CRTC3: variants seen among roughly 807,000 people sequenced by gnomAD.
CRTC3 encodes the protein CREB-regulated transcription coactivator 3.
CRTC3 carries 26 observed loss-of-function variants against 74.5 expected under a neutral mutation model. That is an observed-to-expected ratio of 0.35 (90% confidence interval 0.26 to 0.48). The LOEUF is 0.48. Ranked by LOEUF, CRTC3 falls within the 20% of genes least tolerant of loss-of-function variation. The pLI, the probability that CRTC3 is intolerant of heterozygous loss-of-function variation, is 0.99. For synonymous variants in CRTC3, 377 were observed against 325.8 expected, an observed-to-expected ratio of 1.16 and a Z score of -1.69; for missense variants, 760 against 787.3, an observed-to-expected ratio of 0.97 and a Z score of 0.41.
chr15:90,592,886 C>T (rs529889131), intron 2 of CRTC3, among the ~76,000 whole-genome samples: 1 of 152,266 alleles, frequency 6.6e-6, no homozygotes, highest in South Asian at 2.1e-4. Flanking sequence ...TGCGGTGGCT[C>T]ACATGCCTGT....
intron 2 of CRTC3, among the ~76,000 whole-genome samples, chr15:90,546,685 C>T (rs1246377243): frequency 2.6e-5 from 4 of 152,008 alleles, no homozygotes; most frequent in South Asian, 2.1e-4. Flanking sequence ...TGCAGTGGCA[C>T]GATCTCCACT....
Position 90,629,407 on chromosome 15 carries a change from G to T in CRTC3, c.1141G>T (p.Gly381Cys). 1 of 1,613,792 alleles carries T rather than the reference G, an allele frequency of 6.2e-7. No homozygotes were observed. Among genetic ancestry groups the T allele is most frequent in the Non-Finnish European group, 8.5e-7 (1 of 1,179,952 alleles). ...ATCTCTTTCCACCACAAACCTGAGC[G>T]GCCCGTCTCGGCGTCGGCAGCCTCC... ...NPSLSTTNLS[G>C]PSRRRQPPVS... Residue 381 changes from glycine (G) to cysteine (C), a missense_variant, in exon 11 of 15, where the codon GGC becomes TGC. Physicochemically the swap from Gly to Cys is radical, Grantham distance 159. This residue lies in a region of CRTC3 where 652 missense variants were observed against 635.2 expected (regional missense o/e 1.03). Coordinates refer to ENST00000268184, the MANE Select transcript of CRTC3 (RefSeq NM_022769.5).
In CRTC3 at chr15:90,644,574, G is replaced by A. The variant is rs900578696; in HGVS notation, c.*2434G>A. 4 of 232,718 alleles carry A rather than the reference G, an allele frequency of 1.7e-5. No homozygotes were observed. The highest frequency in any genetic ancestry group is 3.4e-5 in the Non-Finnish European group (4 of 117,928). 14.4% of individuals were successfully genotyped at this position (232,718 alleles called of 1,614,324 possible). ...ACCTCCGGGGAAGTGATTTATTGGG[G>A]GTGTACACTGGGGGCAATATGGTTT... On this transcript the variant is annotated 3_prime_UTR_variant, in exon 15 of 15. Transcript: ENST00000268184.
chr15:90,601,713 G>C lies in CRTC3; in HGVS notation c.352-611G>C, dbSNP rs1164469449. Among the ~76,000 whole-genome samples the C allele has an allele frequency of 3.3e-5, 5 of 152,046 alleles. No homozygotes were observed. The East Asian group carries it at 9.6e-4, about 29-fold the overall frequency. ...TAACTTAAAAAAAGAAAATGTATTG[G>C]CATATGTCACTGGAAGCCCAAGGGC... is the stretch of plus-strand genomic sequence containing the variant. On this transcript the variant is annotated intron_variant, in intron 3 of 14. Coordinates refer to ENST00000268184, the MANE Select transcript of CRTC3 (RefSeq NM_022769.5).
At position 90,641,291 on chromosome 15, in the gene CRTC3, A is replaced by G. The variant is rs1326004710; in HGVS notation, c.1651+92A>G. 4.4e-6 allele frequency: 4 copies of G among 901,048 alleles called. No homozygotes were observed. The South Asian group carries it at 5.9e-5, about 13-fold the overall frequency. 55.8% of individuals were successfully genotyped at this position (901,048 alleles called of 1,614,324 possible). A position where few individuals can be genotyped will look rare whatever the true frequency, so the allele number is the denominator to read the frequency against. On this transcript the variant is annotated intron_variant, in intron 14 of 14. Transcript: ENST00000268184. Reference sequence around the variant, plus strand: ...GAGAGTTTAAACAACATAATATTATATAAAGCAAAAAGTTAACGTTCCCTG... The same window carrying G: ...GAGAGTTTAAACAACATAATATTATGTAAAGCAAAAAGTTAACGTTCCCTG...
chr15:90,546,401 A>C (rs7162041), intron 2 of CRTC3, among the ~76,000 whole-genome samples: 7 of 152,030 alleles, frequency 4.6e-5, no homozygotes, highest in East Asian at 1.9e-4. Flanking sequence ...TTCTTTGTCT[A>C]TCATTTTGCT....
In CRTC3 at chr15:90,619,970, TAATTA is replaced by T. The variant is rs1387406803; in HGVS notation, c.749+186_749+190del. The T allele has an allele frequency of 1.2e-5, 7 of 590,100 alleles. No individual in the cohort carries two copies. In the African/African-American group the frequency reaches 1.3e-4, roughly 11 times the overall value. The allele number at this position is 590,100 out of a possible 1,614,324, so 36.6% of individuals were successfully genotyped here. ...ATACTCATATTTCATCTGTTTAAAC[TAATTA>T]AATTACATGACTATAATAACAAACA... is the stretch of plus-strand genomic sequence containing the variant. On this transcript the variant is annotated intron_variant, in intron 9 of 14. Coordinates refer to ENST00000268184, the MANE Select transcript of CRTC3 (RefSeq NM_022769.5).
Position 90,623,439 on chromosome 15 carries a change from A to G in CRTC3, c.750-2337A>G, listed in dbSNP as rs531228255. 2.9e-4 allele frequency among the ~76,000 whole-genome samples: 44 copies of G among 152,124 alleles called. 2 individuals carry two copies. The South Asian group carries it at 8.9e-3, about 31-fold the overall frequency. ...ATCCATACCCCTGCCCTCATTCCCA[A>G]TCTGCTCACATCTTCAGTGTCCCCT... On this transcript the variant is annotated intron_variant, in intron 9 of 14. Coordinates refer to ENST00000268184, the MANE Select transcript of CRTC3 (RefSeq NM_022769.5).
Position 90,545,546 on chromosome 15 carries a change from C to T in CRTC3, c.231+5409C>T, listed in dbSNP as rs138482346. Among the ~76,000 whole-genome samples the T allele has an allele frequency of 1.3e-3, 201 of 150,472 alleles. 2 individuals carry two copies. Among genetic ancestry groups the T allele is most frequent in the East Asian group, 9.7e-3 (50 of 5,138 alleles). On this transcript the variant is annotated intron_variant, in intron 2 of 14. Transcript: ENST00000268184. Reference sequence around the variant, plus strand: ...TCCTGAGTAGCTGGGTTTACAGGCGCGCCCCACCACACCTGGCTAATTTTT... The same window carrying T: ...TCCTGAGTAGCTGGGTTTACAGGCGTGCCCCACCACACCTGGCTAATTTTT...
chr15:90,529,980 G>T lies in CRTC3; in HGVS notation c.-92G>T, dbSNP rs1391059411. ...TCGCGCCGGACGACTGGCTTCGGGCGGCGGCCCCGGCGGCCTGTGGACGGA... is the reference window on the plus strand; with the variant it reads ...TCGCGCCGGACGACTGGCTTCGGGCTGCGGCCCCGGCGGCCTGTGGACGGA... On this transcript the variant is annotated 5_prime_UTR_variant, in exon 1 of 15. Coordinates refer to ENST00000268184, the MANE Select transcript of CRTC3 (RefSeq NM_022769.5). 1 of 1,003,698 alleles carries T rather than the reference G, an allele frequency of 1.0e-6. No homozygotes were observed. Among genetic ancestry groups the T allele is most frequent in the South Asian group, 3.6e-5 (1 of 27,822 alleles). The allele number at this position is 1,003,698 out of a possible 1,614,324, so 62.2% of individuals were successfully genotyped here. A position where few individuals can be genotyped will look rare whatever the true frequency, so the allele number is the denominator to read the frequency against.
intron 2 of CRTC3, among the ~76,000 whole-genome samples, chr15:90,546,550 T>C (rs758593572): frequency 3.3e-5 from 5 of 152,248 alleles, no homozygotes; most frequent in African/African-American, 4.8e-5. Context: ...CTGTTTTGCT[T>C]ATTTTCATTC....
chr15:90,585,559 G>A (rs901444122), intron 2 of CRTC3, among the ~76,000 whole-genome samples: 2 of 152,322 alleles, frequency 1.3e-5, no homozygotes, highest in South Asian at 4.1e-4. Flanking sequence ...AGGCAAAGCG[G>A]TGAGGTAAAG....
intron 2 of CRTC3, among the ~76,000 whole-genome samples, chr15:90,576,613 G>T (rs866039075): frequency 2.0e-5 from 3 of 152,170 alleles, no homozygotes; most frequent in Non-Finnish European, 2.9e-5. Flanking sequence ...GGATGGTCAG[G>T]AAGTTCAGGA....
chr15:90,597,064 G>A (rs1435787084), intron 3 of CRTC3, among the ~76,000 whole-genome samples: 1 of 152,228 alleles, frequency 6.6e-6, no homozygotes, highest in Non-Finnish European at 1.5e-5. Context: ...CTTTGCCCTT[G>A]GCATGGGTGG....
intron 7 of CRTC3, among the ~76,000 whole-genome samples, chr15:90,617,152 C>T (rs1446169878): frequency 2.0e-5 from 3 of 152,162 alleles, no homozygotes; most frequent in Admixed American, 6.5e-5. Context: ...GAATTCCCTT[C>T]TCCTGTGTCT....
chr15:90,614,657 G>A, intron 7 of CRTC3, 169 bp downstream of exon 7: 2 of 537,210 alleles, frequency 3.7e-6, no homozygotes, highest in Non-Finnish European at 6.7e-6. Context: ...GGCTAGCCAT[G>A]TTCAGGGCCA....
intron 11 of CRTC3, among the ~76,000 whole-genome samples, chr15:90,637,412 G>C (rs986893380): frequency 6.6e-6 from 1 of 152,150 alleles, no homozygotes; most frequent in Non-Finnish European, 1.5e-5. Context: ...TGTGGGATGC[G>C]GGGAAGGGGG....
intron 11 of CRTC3, chr15:90,638,173 G>A (rs556937814): frequency 2.4e-5 from 10 of 414,450 alleles, no homozygotes; most frequent in African/African-American, 1.6e-4. Flanking sequence ...GATTTTCACG[G>A]AGAAAACTGA....
intron 2 of CRTC3, among the ~76,000 whole-genome samples, chr15:90,591,452 C>T (rs981300102): frequency 2.0e-5 from 3 of 152,076 alleles, no homozygotes; most frequent in Non-Finnish European, 4.4e-5. Flanking sequence ...AAAGACATTT[C>T]AGGAACTCTC....
Sources: allele counts gnomAD v4.1 joint callset (sites outside exome capture counted in the v4.1 genomes callset), GRCh38; gene constraint gnomAD v4.1.1; regional missense constraint gnomAD v4.1.1; transcripts MANE v1.5; gene names NCBI Gene and HGNC (gene_info 2026-07-23, HGNC 2026-07-21).